Variants in GLB1L3 observed in about 807,000 individuals in gnomAD.
The protein encoded by GLB1L3 is beta-galactosidase-1-like protein 3.
A neutral mutation model predicts 89.5 loss-of-function variants in GLB1L3; 89 were observed. The observed-to-expected ratio is 0.99, with a 90% CI of 0.84 to 1.19. The LOEUF is 1.19. GLB1L3 is among the 50% of genes most tolerant of loss of function. The probability of loss-of-function intolerance (pLI) is 0.00; values close to 1 mark genes in which losing one functional copy is unlikely to be tolerated. For missense variants in GLB1L3, 812 were observed against 813.3 expected (o/e 1.00, Z 0.02); for synonymous variants, 314 against 312.3 (o/e 1.01, Z -0.06).
Position 134,311,160 on chromosome 11 carries a change from A to G in GLB1L3, c.1277A>G (p.Tyr426Cys), listed in dbSNP as rs757026171. 3 of 1,612,876 alleles carry G rather than the reference A, an allele frequency of 1.9e-6. No homozygotes were observed. In the African/African-American group the frequency reaches 4.0e-5, roughly 22 times the overall value. ...LYLPLWDALSYLNEPVRSRQP... is the reference protein window; with the variant it reads ...LYLPLWDALSCLNEPVRSRQP... Reference sequence around the variant, plus strand: ...CTCCCGCTGTGGGACGCCCTATCCTACTTAAATGAGGTGCGTGCTGCCTGG... The same window carrying G: ...CTCCCGCTGTGGGACGCCCTATCCTGCTTAAATGAGGTGCGTGCTGCCTGG... Residue 426 changes from tyrosine (Y) to cysteine (C), a missense_variant, in exon 13 of 20, where the codon TAC becomes TGC. Around this residue, in one of 3 missense-constraint regions of GLB1L3, gnomAD observed 618 missense variants for 604.0 expected, o/e 1.02. Transcript: ENST00000431683.
chr11:134,290,432 G>T (rs1941284133), intron 7 of GLB1L3, among the ~76,000 whole-genome samples: 2 of 151,838 alleles, frequency 1.3e-5, no homozygotes, highest in Admixed American at 1.3e-4. Flanking sequence ...AATTAGCTGG[G>T]CGTGGTGGTG....
chr11:134,296,109 C>T (rs1446155956), intron 9 of GLB1L3, among the ~76,000 whole-genome samples: 1 of 151,976 alleles, frequency 6.6e-6, no homozygotes, highest in Admixed American at 6.6e-5. Flanking sequence ...CATCACTGGC[C>T]ATCAGAGAAA....
intron 11 of GLB1L3, chr11:134,310,162 A>G: frequency 2.6e-6 from 1 of 379,838 alleles, no homozygotes; most frequent in Admixed American, 3.7e-5. Flanking sequence ...CTGGAAGAAG[A>G]AGAATTGTCT....
At chr11:134,305,350 A>G in intron 9 of GLB1L3, 1 of 483,846 alleles carries the variant, frequency 2.1e-6, no homozygotes, top group East Asian at 3.2e-5. Flanking sequence ...TTGTGCTGTT[A>G]GTCTTTCCTA....
chr11:134,308,066 C>T (rs1331512929), intron 10 of GLB1L3, among the ~76,000 whole-genome samples: 2 of 151,530 alleles, frequency 1.3e-5, no homozygotes, highest in East Asian at 3.9e-4. Flanking sequence ...CCAATAACAC[C>T]AACAATAATA....
At chr11:134,281,125 G>GA (rs1940661424) in intron 3 of GLB1L3, among the ~76,000 whole-genome samples, 1 of 152,158 alleles carries the variant, frequency 6.6e-6, no homozygotes, top group Non-Finnish European at 1.5e-5. Flanking sequence ...GTGAGTGGAA[G>GA]AATTTATATA....
chr11:134,308,466 ACC>A, intron 10 of GLB1L3, among the ~76,000 whole-genome samples: 2 of 19,610 alleles, frequency 1.0e-4, no homozygotes, highest in East Asian at 7.8e-4. Context: ...CACCACCACC[ACC>A]ACCAAATACC....
At chr11:134,300,548 A>G (rs1326345204) in intron 9 of GLB1L3, among the ~76,000 whole-genome samples, 3 of 151,870 alleles carry the variant, frequency 2.0e-5, no homozygotes, top group African/African-American at 7.3e-5. Context: ...GTTAGCCAGG[A>G]TGGTCTCTAT....
Position 134,288,841 on chromosome 11 carries a change from A to G in GLB1L3, c.680A>G (p.Glu227Gly). ...GTCATCGCGGTGCAAGTGGAGAATGAGTATGGCTCATTCAATAAGGATAAA... is the reference window on the plus strand; with the variant it reads ...GTCATCGCGGTGCAAGTGGAGAATGGGTATGGCTCATTCAATAAGGATAAA... ...GPVIAVQVENEYGSFNKDKTY... is the reference protein window; with the variant it reads ...GPVIAVQVENGYGSFNKDKTY... The change falls in exon 7 of 20, where the codon GAG becomes GGG. Residue 227 changes from glutamate to glycine, a missense_variant. Glu to Gly is a moderately conservative substitution (Grantham distance 98). This residue lies in a region of GLB1L3 where 618 missense variants were observed against 604.0 expected (regional missense o/e 1.02). Transcript: ENST00000431683. The G allele has an allele frequency of 6.2e-7, 1 of 1,613,584 alleles. No homozygotes were observed. The highest frequency in any genetic ancestry group is 8.5e-7 in the Non-Finnish European group (1 of 1,179,680).
Position 134,314,335 on chromosome 11 carries a change from G to A in GLB1L3, c.1673G>A (p.Arg558His), listed in dbSNP as rs201605779. 8.7e-4 allele frequency: 1,346 copies of A among 1,547,024 alleles called. 9 individuals carry two copies. The highest frequency in any genetic ancestry group is 6.1e-3 in the African/African-American group (448 of 72,890). Reference sequence around the variant, plus strand: ...TGGCTTGGCCTTTCTTCCAGGCTCCGCTCTGCCACCTGGAAGCCTGTCCCA... The same window carrying A: ...TGGCTTGGCCTTTCTTCCAGGCTCCACTCTGCCACCTGGAAGCCTGTCCCA... ...EMKMSFFERL[R>H]SATWKPVPDS... Residue 558 changes from arginine to histidine, a missense_variant, in exon 18 of 20, where the codon CGC (arginine) becomes CAC (histidine). Arg to His is a conservative substitution (Grantham distance 29, BLOSUM62 0). Transcript: ENST00000431683.
rs757956161 is a variant in GLB1L3 at position 134,277,260 on chromosome 11, C to G, written c.24-66C>G. 9 of 1,607,398 alleles carry G rather than the reference C, an allele frequency of 5.6e-6. No individual in the cohort carries two copies. The Admixed American group carries it at 1.5e-4, about 27-fold the overall frequency. On this transcript the variant is annotated intron_variant, in intron 1 of 19. Transcript: ENST00000431683. ...CTCTAAAGCGCCCCCGGCACAGCTT[C>G]CCGGCCCTTGCAGCCCGGTGGGGCC...
chr11:134,312,572 C>T, intron 14 of GLB1L3, 83 bp downstream of exon 14: 3 of 1,511,374 alleles, frequency 2.0e-6, no homozygotes, highest in Non-Finnish European at 1.8e-6. Context: ...CTGAAGGATG[C>T]ACGTTGCTGT....
intron 18 of GLB1L3, chr11:134,317,050 G>A (rs892290483): frequency 3.2e-4 from 49 of 152,454 alleles, no homozygotes; most frequent in African/African-American, 1.1e-3. Flanking sequence ...GGCCACTCTG[G>A]GGGCCATGTT....
At chr11:134,308,498 AATACCACCACCACCACCACCAT>A (rs2136207377) in intron 10 of GLB1L3, among the ~76,000 whole-genome samples, 1 of 5,690 alleles carries the variant, frequency 1.8e-4, no homozygotes, top group African/African-American at 9.0e-4. Flanking sequence ...ATCACCACCA[AATACCACCACCACCACCACCAT>A]GTCCACCACC....
intron 3 of GLB1L3, among the ~76,000 whole-genome samples, chr11:134,280,372 T>C (rs572679769): frequency 6.6e-6 from 1 of 152,332 alleles, no homozygotes; most frequent in African/African-American, 2.4e-5. Flanking sequence ...TCTTTTTTCA[T>C]ACTTAGTTGT....
chr11:134,323,383 A>G (rs928586823), downstream of GLB1L3, among the ~76,000 whole-genome samples: 1 of 91,706 alleles, frequency 1.1e-5, no homozygotes, highest in African/African-American at 4.3e-5. Flanking sequence ...GCGTGCGCAC[A>G]CACACACACA....
chr11:134,309,894 C>T (rs1591584574), intron 11 of GLB1L3, 131 bp downstream of exon 11: 2 of 1,003,662 alleles, frequency 2.0e-6, no homozygotes, highest in South Asian at 1.7e-5. Context: ...GAAGATTTTC[C>T]TATCTACTTT....
chr11:134,288,303 C>G (rs1941131858), intron 6 of GLB1L3, among the ~76,000 whole-genome samples: 1 of 152,104 alleles, frequency 6.6e-6, no homozygotes, highest in African/African-American at 2.4e-5. Context: ...GCCTCTGCCC[C>G]CATCTTGATG....
chr11:134,303,741 A>G (rs572592166), intron 9 of GLB1L3, among the ~76,000 whole-genome samples: 22 of 152,042 alleles, frequency 1.4e-4, no homozygotes, highest in Admixed American at 5.9e-4. Flanking sequence ...TTTTAGCCCA[A>G]TATTTATCTT....
Sources: gnomAD v4.1 joint callset for allele counts (sites outside exome capture counted in the v4.1 genomes callset) on GRCh38, gnomAD v4.1.1 for gene constraint, gnomAD v4.1.1 regional missense constraint, MANE v1.5 for transcripts, NCBI Gene and HGNC (gene_info 2026-07-23, HGNC 2026-07-21) for gene names.